The following VPS53 variants were observed in gnomAD, a reference collection of about 807,000 sequenced individuals.
VPS53 encodes the protein vacuolar protein sorting-associated protein 53 homolog.
In VPS53, 70 loss-of-function variants were observed where a neutral mutation model predicts 107.0. That is an observed-to-expected ratio of 0.65 (90% CI 0.54 to 0.80). VPS53 has a LOEUF of 0.80. Ranked by LOEUF, VPS53 falls within the 30% of genes least tolerant of loss-of-function variation. VPS53 has a pLI of 0.00. For synonymous variants in VPS53, 409 were observed against 393.3 expected (o/e 1.04, Z -0.47); for missense variants, 917 against 1,049.4 (o/e 0.87, Z 1.74).
rs1249507948 is a variant in VPS53 at position 512,254 on chromosome 17, T to G, written c.*6874A>C. The G allele has an allele frequency of 6.6e-6, 1 of 152,200 alleles. No homozygotes were observed. Among genetic ancestry groups the G allele is most frequent in the Non-Finnish European group, 1.5e-5 (1 of 68,032 alleles). 9.4% of individuals were successfully genotyped at this position (152,200 alleles called of 1,614,324 possible). ...AAGTGATCACGAACACACTTCACAC[T>G]GCCTTATGGCAGAGCAAGTGCATAT... On this transcript the variant is annotated 3_prime_UTR_variant, in exon 22 of 22. Coordinates refer to ENST00000437048, the MANE Select transcript of VPS53 (RefSeq NM_001128159.3).
chr17:606,700 C>T (rs968591615), intron 11 of VPS53, among the ~76,000 whole-genome samples: 2 of 152,178 alleles, frequency 1.3e-5, no homozygotes, highest in Admixed American at 1.3e-4. Flanking sequence ...AGTGAGTGAG[C>T]ATGACTGCCT....
intron 14 of VPS53, among the ~76,000 whole-genome samples, chr17:560,899 G>A (rs1012857449): frequency 2.6e-5 from 4 of 152,224 alleles, no homozygotes; most frequent in African/African-American, 9.6e-5. Flanking sequence ...ATTTAGGACC[G>A]TGTGGAGCAC....
rs775044693 is a variant in VPS53, at chr17:627,171, T to C, written c.974+3A>G. The C allele has an allele frequency of 6.2e-7, 1 of 1,611,980 alleles. No individual in the cohort carries two copies. Among genetic ancestry groups the C allele is most frequent in the Non-Finnish European group, 8.5e-7 (1 of 1,179,242 alleles). On this transcript the variant is annotated splice_donor_region_variant and intron_variant, in intron 10 of 21. Transcript: ENST00000437048. ...ACAGAACCAGTAGAGAACTGGCATC[T>C]ACCTTGTCACATGGCAAAATTCCAC...
At chr17:581,281 C>G (rs1053879722) in intron 13 of VPS53, among the ~76,000 whole-genome samples, 1 of 149,868 alleles carries the variant, frequency 6.7e-6, no homozygotes, top group Non-Finnish European at 1.5e-5. Context: ...GAACCTCCCT[C>G]AGGACCTCAA....
intron 20 of VPS53, 66 bp downstream of exon 20, chr17:521,534 CA>C: frequency 6.8e-7 from 1 of 1,461,452 alleles, no homozygotes. Context: ...CCTGTGCTTT[CA>C]AAACCAAGGC....
rs779864587 is a variant in VPS53 at position 562,678 on chromosome 17, T to A, written c.1381A>T (p.Thr461Ser). ...GGGAGCACGGCACCCCCTTCATCAG[T>A]GTTGGGCTTAGGTGGCCCCTGGGCT... ...FKAQGPPKPNTDEGGAVLPSC... is the reference protein window; with the variant it reads ...FKAQGPPKPNSDEGGAVLPSC... The change falls in exon 14 of 22, where the codon ACT (threonine) becomes TCT (serine). Residue 461 changes from threonine to serine, a missense_variant. Coordinates refer to ENST00000437048, the MANE Select transcript of VPS53 (RefSeq NM_001128159.3). 6.2e-7 allele frequency: 1 copy of A among 1,613,774 alleles called. No homozygotes were observed. The highest frequency in any genetic ancestry group is 1.1e-5 in the South Asian group (1 of 91,050).
intron 12 of VPS53, among the ~76,000 whole-genome samples, chr17:593,057 G>T (rs1473123017): frequency 1.2e-4 from 19 of 152,104 alleles, no homozygotes; most frequent in Non-Finnish European, 2.6e-4. Flanking sequence ...AAGAAATGGG[G>T]AAAGGATTCC....
chr17:666,582 T>C (rs568799380), intron 4 of VPS53, among the ~76,000 whole-genome samples: 2 of 152,158 alleles, frequency 1.3e-5, no homozygotes, highest in African/African-American at 4.8e-5. Context: ...GATAATCGCG[T>C]GAACCCAGGA....
rs556279938 is a variant in VPS53, at chr17:682,469, G to A, written c.285+14949C>T. ...CCAGGAAAGACAGGACAGGAGAACCGTCTCCATGTAGAAGGGCATGTAAGG... is the reference window on the plus strand; with the variant it reads ...CCAGGAAAGACAGGACAGGAGAACCATCTCCATGTAGAAGGGCATGTAAGG... On this transcript the variant is annotated intron_variant, in intron 4 of 21. Coordinates refer to ENST00000437048, the MANE Select transcript of VPS53 (RefSeq NM_001128159.3). Among the ~76,000 whole-genome samples, 167 of 152,230 alleles carry A rather than the reference G, an allele frequency of 1.1e-3. 2 individuals are homozygous for A. The highest frequency in any genetic ancestry group is 3.4e-3 in the African/African-American group (141 of 41,546).
At chr17:701,052 G>A (rs1232757690) in intron 2 of VPS53, among the ~76,000 whole-genome samples, 6 of 152,088 alleles carry the variant, frequency 3.9e-5, no homozygotes, top group Admixed American at 3.9e-4. Flanking sequence ...GGCTGGACGT[G>A]ATGGCTCATG....
intron 4 of VPS53, among the ~76,000 whole-genome samples, chr17:682,605 G>A (rs1825731374): frequency 6.6e-6 from 1 of 152,228 alleles, no homozygotes; most frequent in African/African-American, 2.4e-5. Context: ...GAAAGTGTAA[G>A]CACAGGTGGG....
chr17:670,437 C>G (rs138574023), intron 4 of VPS53, among the ~76,000 whole-genome samples: 3 of 152,330 alleles, frequency 2.0e-5, no homozygotes, highest in African/African-American at 7.2e-5. Context: ...CTCCTTGCCT[C>G]CTGGAGGAGA....
At chr17:575,422 C>T (rs1914512050) in intron 13 of VPS53, among the ~76,000 whole-genome samples, 1 of 152,172 alleles carries the variant, frequency 6.6e-6, no homozygotes, top group African/African-American at 2.4e-5. Context: ...CCCAGAGAGC[C>T]TCCCTAAAAA....
intron 4 of VPS53, chr17:674,732 C>G (rs1263629029): frequency 1.3e-5 from 2 of 152,218 alleles, no homozygotes; most frequent in Non-Finnish European, 2.9e-5. Flanking sequence ...AGGTGGCTCC[C>G]AAATCTGCTT....
intron 4 of VPS53, among the ~76,000 whole-genome samples, chr17:696,984 A>G (rs769207635): frequency 6.6e-6 from 1 of 152,066 alleles, no homozygotes; most frequent in Non-Finnish European, 1.5e-5. Flanking sequence ...AAAATTTTTT[A>G]ATGAATCTTG....
At chr17:526,143 G>A (rs1380642445) in intron 19 of VPS53, among the ~76,000 whole-genome samples, 3 of 151,682 alleles carry the variant, frequency 2.0e-5, no homozygotes, top group Non-Finnish European at 4.4e-5. Context: ...TACCATTCAG[G>A]ACTCAACTCT....
chr17:700,175 G>A (rs189292300), intron 2 of VPS53, among the ~76,000 whole-genome samples: 3 of 152,302 alleles, frequency 2.0e-5, no homozygotes, highest in Admixed American at 1.3e-4. Flanking sequence ...TAATTGTAAT[G>A]TATTAGTAGT....
chr17:679,946 G>A (rs1303525933), intron 4 of VPS53, among the ~76,000 whole-genome samples: 4 of 151,686 alleles, frequency 2.6e-5, no homozygotes, highest in South Asian at 2.1e-4. Flanking sequence ...TCAGGAGTTC[G>A]AGACCAGCCT....
At chr17:531,945 GTTTTTTTTTTT>G (rs145507855) in intron 19 of VPS53, 1 of 78,512 alleles carries the variant, frequency 1.3e-5, no homozygotes, top group African/African-American at 5.5e-5. Context: ...CTGGCTAATT[GTTTTTTTTTTT>G]TTTTTTTTTT....
Sources: gnomAD v4.1 joint callset for allele counts (sites outside exome capture counted in the v4.1 genomes callset) on GRCh38, gnomAD v4.1.1 for gene constraint, MANE v1.5 for transcripts, NCBI Gene and HGNC (gene_info 2026-07-23, HGNC 2026-07-21) for gene names.